The following CXCL12 variants were observed in gnomAD, a reference collection of about 807,000 sequenced individuals.
CXCL12 encodes stromal cell-derived factor 1.
CXCL12 carries 4 observed loss-of-function variants against 10.7 expected under a neutral mutation model. The observed-to-expected ratio is 0.37, with a 90% CI of 0.18 to 0.86. CXCL12 has a LOEUF of 0.86. Ranked by LOEUF, CXCL12 falls within the 40% of genes least tolerant of loss-of-function variation. The pLI is 0.43. For synonymous variants in CXCL12, 54 were observed against 45.4 expected, an observed-to-expected ratio of 1.19 and a Z score of -0.77; for missense variants, 122 against 110.4, an observed-to-expected ratio of 1.10 and a Z score of -0.47.
At chr10:44,376,094 G>A, downstream of CXCL12, 1 of 1,583,896 alleles carries the variant, frequency 6.3e-7, no homozygotes, top group Non-Finnish European at 8.6e-7. Flanking sequence ...GTCTCAGTCT[G>A]CATAAGATTT....
chr10:44,381,446 C>T (rs560539442), intron 1 of CXCL12, among the ~76,000 whole-genome samples: 196 of 152,322 alleles, frequency 1.3e-3, no homozygotes, highest in African/African-American at 4.6e-3. Context: ...CAAAAGAATC[C>T]TGGCTGGCTT....
downstream of CXCL12, chr10:44,371,300 T>C (rs1172805008): frequency 4.5e-6 from 2 of 445,464 alleles, no homozygotes; most frequent in Non-Finnish European, 8.9e-6. Context: ...TTTAGGGTCA[T>C]GTTTGTTTCC....
rs1839530085 is a variant in CXCL12, at chr10:44,378,565, T to C, written c.*68A>G. 6.2e-7 allele frequency: 1 copy of C among 1,609,936 alleles called. No individual in the cohort carries two copies. ...GCCCCCTCCCCCACGTCTTTGCCCT[T>C]TCATCTCTCACAAGGTTTTAGTTTT... On this transcript the variant is annotated 3_prime_UTR_variant, in exon 3 of 3. Transcript: ENST00000343575.
chr10:44,370,571 A>T (rs1839291036), exon 4 of CXCL12: 2 of 152,202 alleles, frequency 1.3e-5, no homozygotes, highest in South Asian at 4.1e-4. Context: ...TCAAATTCTC[A>T]TCCAGCTGGA....
downstream of CXCL12, among the ~76,000 whole-genome samples, chr10:44,376,567 T>A (rs994717870): frequency 2.0e-5 from 3 of 152,296 alleles, no homozygotes; most frequent in African/African-American, 7.2e-5. Flanking sequence ...CTGTGAACAC[T>A]CCTGGGAATG....
downstream of CXCL12, chr10:44,374,655 G>C (rs1839405172): frequency 8.8e-6 from 4 of 455,970 alleles, no homozygotes; most frequent in South Asian, 6.2e-5. Flanking sequence ...GCTCATTAAA[G>C]CTCAAGGGGA....
intron 1 of CXCL12, among the ~76,000 whole-genome samples, chr10:44,382,208 C>T (rs1839653303): frequency 6.6e-6 from 1 of 152,148 alleles, no homozygotes; most frequent in Admixed American, 6.5e-5. Context: ...CCTAAGGCAG[C>T]CTTCACAGTT....
downstream of CXCL12, among the ~76,000 whole-genome samples, chr10:44,373,578 C>A (rs3780890): frequency 6.6e-6 from 1 of 152,126 alleles, no homozygotes; most frequent in African/African-American, 2.4e-5. Flanking sequence ...AGGACAGACA[C>A]GTGGCAAGCA....
downstream of CXCL12, chr10:44,373,404 C>G: frequency 6.7e-7 from 1 of 1,491,448 alleles, no homozygotes; most frequent in Non-Finnish European, 9.3e-7. Context: ...CCAGCCAGCT[C>G]CAGAAGGACA....
In CXCL12 at chr10:44,377,531, C is replaced by A; in HGVS notation, c.*1102G>T. 1 of 1,417,450 alleles carries A rather than the reference C, an allele frequency of 7.1e-7. No homozygotes were observed. Among genetic ancestry groups the A allele is most frequent in the Non-Finnish European group, 9.2e-7 (1 of 1,091,102 alleles). The allele number at this position is 1,417,450 out of a possible 1,614,324, so 87.8% of individuals were successfully genotyped here. A position where few individuals can be genotyped will look rare whatever the true frequency, so the allele number is the denominator to read the frequency against. The stretch of plus-strand genomic sequence containing the variant: ...AACAGTTCTGATTGGAACCTGAAAC[C>A]CTGCTGTGGCTTCAGGAGGGGGTAG... On this transcript the variant is annotated 3_prime_UTR_variant, in exon 3 of 3. Transcript: ENST00000343575.
In CXCL12 at chr10:44,378,418, G is replaced by A. The variant is rs1839524877; in HGVS notation, c.*215C>T. 6.4e-7 allele frequency: 1 copy of A among 1,552,358 alleles called. No individual in the cohort carries two copies. Among genetic ancestry groups the A allele is most frequent in the East Asian group, 2.4e-5 (1 of 42,012 alleles). On this transcript the variant is annotated 3_prime_UTR_variant, in exon 3 of 3. Coordinates refer to ENST00000343575, the MANE Select transcript of CXCL12 (RefSeq NM_199168.4). ...ACGTGCACAGGTACAGGGCATGGAT[G>A]AATATAAGCTGCAATATCATACCGT...
At chr10:44,372,464 A>T (rs765942289), downstream of CXCL12, 5 of 268,496 alleles carry the variant, frequency 1.9e-5, no homozygotes, top group Non-Finnish European at 3.2e-5. Context: ...GCATCAAGAC[A>T]TTGGTCACAG....
chr10:44,382,355 T>A (rs1839657738), intron 1 of CXCL12, among the ~76,000 whole-genome samples: 1 of 152,158 alleles, frequency 6.6e-6, no homozygotes. Flanking sequence ...GCCTGCAGCC[T>A]GGGTAACTGA....
chr10:44,370,665 G>A (rs1000034232), exon 4 of CXCL12: 4 of 152,264 alleles, frequency 2.6e-5, no homozygotes, highest in Non-Finnish European at 4.4e-5. Context: ...TCACACCATG[G>A]AAGGGTCCAA....
rs1332807637 is a variant in CXCL12 at position 44,378,570 on chromosome 10, C to T, written c.*63G>A. The T allele has an allele frequency of 1.2e-6, 2 of 1,610,922 alleles. No homozygotes were observed. The highest frequency in any genetic ancestry group is 1.7e-6 in the Non-Finnish European group (2 of 1,177,970). ...CTCCCCCACGTCTTTGCCCTTTCATCTCTCACAAGGTTTTAGTTTTCCTCG... is the reference window on the plus strand; with the variant it reads ...CTCCCCCACGTCTTTGCCCTTTCATTTCTCACAAGGTTTTAGTTTTCCTCG... On this transcript the variant is annotated 3_prime_UTR_variant, in exon 3 of 3. Transcript: ENST00000343575.
At chr10:44,383,615 G>GC (rs1588904850) in intron 1 of CXCL12, among the ~76,000 whole-genome samples, 5 of 137,656 alleles carry the variant, frequency 3.6e-5, no homozygotes, top group East Asian at 2.1e-4. Flanking sequence ...CTTGCGGGGG[G>GC]GGGGGGGGGT....
At chr10:44,374,059 G>A (rs1193619761), downstream of CXCL12, among the ~76,000 whole-genome samples, 2 of 152,212 alleles carry the variant, frequency 1.3e-5, no homozygotes, top group Non-Finnish European at 2.9e-5. Context: ...GTAAACCACA[G>A]TGAGCCCCCA....
downstream of CXCL12, chr10:44,373,394 C>G: frequency 1.3e-6 from 2 of 1,509,146 alleles, no homozygotes; most frequent in Non-Finnish European, 1.8e-6. Context: ...CCCCCCACAC[C>G]CAGCCAGCTC....
downstream of CXCL12, chr10:44,376,121 C>G: frequency 7.1e-7 from 1 of 1,403,184 alleles, no homozygotes; most frequent in Non-Finnish European, 9.8e-7. Context: ...GGCCCGTGTA[C>G]TGGTTAAACT....
Sources: allele counts gnomAD v4.1 joint callset (sites outside exome capture counted in the v4.1 genomes callset), GRCh38; gene constraint gnomAD v4.1.1; transcripts MANE v1.5; gene names NCBI Gene and HGNC (gene_info 2026-07-23, HGNC 2026-07-21).